The following CROCC variants were observed in gnomAD, a reference collection of about 807,000 sequenced individuals.
The protein encoded by CROCC is ciliary rootlet coiled-coil, rootletin.
CROCC carries 180 observed loss-of-function variants against 245.2 expected under a neutral mutation model. The observed-to-expected ratio is 0.73, with a 90% CI of 0.65 to 0.83. The LOEUF is 0.83. Among genes scored for constraint, CROCC ranks in the 40% least tolerant of loss-of-function variants. The pLI is 0.00. For missense variants in CROCC, 2,688 were observed against 2,779.4 expected (o/e 0.97, Z 0.74); for synonymous variants, 1,205 against 1,241.6 (o/e 0.97, Z 0.62).
In CROCC at chr1:16,954,798, C is replaced by G. The variant is rs573098773; in HGVS notation, c.3386C>G (p.Ala1129Gly). ...DLRAQREEAA[A>G]AHAQEVRRLQ... The stretch of plus-strand genomic sequence containing the variant: ...CGGGCCCAGCGGGAGGAGGCTGCTG[C>G]GGCCCACGCCCAGGAGGTGAGGAGG... The change falls in exon 23 of 37, where the codon GCG becomes GGG. Residue 1129 changes from alanine to glycine, a missense_variant. By Grantham distance (60) the Ala-to-Gly change is moderately conservative. This residue lies in a region of CROCC where 1,218 missense variants were observed against 1,286.3 expected (regional missense o/e 0.95). Transcript: ENST00000375541. The surrounding 1 kb of genome is among the most constrained non-coding windows in gnomAD (Gnocchi z 4.4). 6.4e-7 allele frequency: 1 copy of G among 1,552,582 alleles called. No individual in the cohort carries two copies. The highest frequency in any genetic ancestry group is 8.7e-7 in the Non-Finnish European group (1 of 1,148,284).
chr1:16,953,736 C>T, intron 21 of CROCC: 1 of 452,948 alleles, frequency 2.2e-6, no homozygotes, highest in Non-Finnish European at 3.9e-6. Context: ...GTTCCATATT[C>T]TCCCATGCCT....
chr1:16,933,988 C>T (rs1197478285), intron 8 of CROCC, among the ~76,000 whole-genome samples: 2 of 152,236 alleles, frequency 1.3e-5, no homozygotes, highest in African/African-American at 4.8e-5. Context: ...TTTCTTTATC[C>T]CATGTATTTC....
chr1:16,938,369 A>G lies in CROCC; in HGVS notation c.1291-31A>G, dbSNP rs754228809. ...AGGTTTCAGATAAGACAGAACCCCA[A>G]CCACCCTTTGTCTCCCTAACCGCAC... is the stretch of plus-strand genomic sequence containing the variant. On this transcript the variant is annotated intron_variant, in intron 10 of 36. Coordinates refer to ENST00000375541, the MANE Select transcript of CROCC (RefSeq NM_014675.5). 6 of 1,541,182 alleles carry G rather than the reference A, an allele frequency of 3.9e-6. No individual in the cohort carries two copies. The East Asian group carries it at 7.3e-5, about 19-fold the overall frequency.
At position 16,946,872 on chromosome 1, in the gene CROCC, G is replaced by T; in HGVS notation, c.2395G>T (p.Val799Leu). 6 of 1,559,630 alleles carry T rather than the reference G, an allele frequency of 3.8e-6. No individual in the cohort carries two copies. The highest frequency in any genetic ancestry group is 5.2e-6 in the Non-Finnish European group (6 of 1,151,908). ...AGAGGAGCTGCGGTTGGAGCAGGAGGTGGCGCGGCAGGGCCTGGAGGGCTC... is the reference window on the plus strand; with the variant it reads ...AGAGGAGCTGCGGTTGGAGCAGGAGTTGGCGCGGCAGGGCCTGGAGGGCTC... ...RLEELRLEQE[V>L]ARQGLEGSLR... is the part of the protein sequence containing the mutation. Residue 799 changes from valine (V) to leucine (L), a missense_variant, in exon 17 of 37, where the codon GTG becomes TTG. This residue lies in a region of CROCC where 295 missense variants were observed against 241.7 expected (regional missense o/e 1.22). Coordinates refer to ENST00000375541, the MANE Select transcript of CROCC (RefSeq NM_014675.5).
At chr1:16,945,056 A>C (rs2076015622) in intron 14 of CROCC, among the ~76,000 whole-genome samples, 1 of 152,278 alleles carries the variant, frequency 6.6e-6, no homozygotes. Context: ...AACGTGGAGA[A>C]ATCCCGTCTC....
chr1:16,945,236 A>G (rs1267161640), intron 14 of CROCC, among the ~76,000 whole-genome samples: 2 of 152,408 alleles, frequency 1.3e-5, no homozygotes, highest in African/African-American at 4.8e-5. Flanking sequence ...GTGTCTCAAA[A>G]AAACAAACAA....
intron 8 of CROCC, 33 bp from the exon 9 acceptor site, chr1:16,936,604 C>G (rs1270380471): frequency 1.3e-6 from 2 of 1,534,200 alleles, no homozygotes; most frequent in Admixed American, 4.1e-5. Flanking sequence ...GGAGCAAGCC[C>G]CATCCATCCC....
intron 10 of CROCC, among the ~76,000 whole-genome samples, 176 bp from the exon 11 acceptor site, chr1:16,938,224 G>A (rs1441670536): frequency 6.6e-6 from 1 of 152,282 alleles, no homozygotes; most frequent in East Asian, 1.9e-4. Flanking sequence ...GCTCTTCTCT[G>A]GGCCTGGTCT....
chr1:16,921,557 T>A (rs1304216469), upstream of CROCC, among the ~76,000 whole-genome samples: 2 of 152,274 alleles, frequency 1.3e-5, no homozygotes, highest in African/African-American at 4.8e-5. Flanking sequence ...GTGACTCCCG[T>A]TCTGGGCCAG....
Position 16,968,378 on chromosome 1 carries a change from C to T in CROCC, c.5036C>T (p.Ala1679Val). ...RLGLSDREAQ[A>V]QALQDRVDSL... ...GGCCTCAGTGACCGCGAGGCCCAAG[C>T]CCAGGCCCTCCAGGATCGGGTGGAT... Residue 1679 changes from alanine (A) to valine (V), a missense_variant, in exon 31 of 37, where the codon GCC (alanine) becomes GTC (valine). Around this residue, in one of 9 missense-constraint regions of CROCC, gnomAD observed 1,218 missense variants for 1,286.3 expected, o/e 0.95. Transcript: ENST00000375541. 6.6e-7 allele frequency: 1 copy of T among 1,518,198 alleles called. No individual in the cohort carries two copies. The highest frequency in any genetic ancestry group is 2.0e-4 in the Middle Eastern group (1 of 4,998). 94.0% of individuals were successfully genotyped at this position (1,518,198 alleles called of 1,614,324 possible). A position where few individuals can be genotyped will look rare whatever the true frequency, so the allele number is the denominator to read the frequency against.
intron 13 of CROCC, among the ~76,000 whole-genome samples, chr1:16,943,303 C>T (rs559392418): frequency 3.5e-4 from 53 of 152,120 alleles, no homozygotes; most frequent in Non-Finnish European, 4.9e-4. Flanking sequence ...TTTGGGAGGC[C>T]GAGGCGGGCA....
Position 16,948,410 on chromosome 1 carries a change from A to G in CROCC, c.2594A>G (p.Glu865Gly), listed in dbSNP as rs200814664. ...REAQRQVEALERAAREKEALA... is the reference protein window; with the variant it reads ...REAQRQVEALGRAAREKEALA... ...GCCCAGCGGCAAGTGGAGGCGCTGG[A>G]GCGAGCGGCCCGTGAGAAGGAGGCG... The change falls in exon 18 of 37, where the codon GAG becomes GGG. Residue 865 changes from glutamate to glycine, a missense_variant. By Grantham distance (98) the Glu-to-Gly change is moderately conservative (BLOSUM62 -2). This residue lies in a region of CROCC where 295 missense variants were observed against 241.7 expected (regional missense o/e 1.22). Transcript: ENST00000375541. The G allele has an allele frequency of 6.3e-6, 10 of 1,575,036 alleles. No homozygotes were observed. In the East Asian group the frequency reaches 1.6e-4, roughly 25 times the overall value.
chr1:16,969,824 C>G lies in CROCC; in HGVS notation c.5341C>G (p.Arg1781Gly), dbSNP rs2076483797. 1 of 1,613,274 alleles carries G rather than the reference C, an allele frequency of 6.2e-7. No individual in the cohort carries two copies. The highest frequency in any genetic ancestry group is 8.5e-7 in the Non-Finnish European group (1 of 1,179,744). Residue 1781 changes from arginine (R) to glycine (G), a missense_variant, in exon 33 of 37, where the codon CGG becomes GGG. This residue lies in a region of CROCC where 1,218 missense variants were observed against 1,286.3 expected (regional missense o/e 0.95). Coordinates refer to ENST00000375541, the MANE Select transcript of CROCC (RefSeq NM_014675.5). The stretch of plus-strand genomic sequence containing the variant: ...CGCCCGGCAGGCATTATCTGAGGCA[C>G]GGAAGCAGAGCAGCTCCCTGGGCGA... ...DAARQALSEA[R>G]KQSSSLGEQV...
chr1:16,970,179 C>T (rs1389281946), intron 33 of CROCC, 74 bp from the exon 34 acceptor site: 3 of 1,415,656 alleles, frequency 2.1e-6, no homozygotes, highest in Non-Finnish European at 2.8e-6. Context: ...GTGGGCCAGC[C>T]TCATTGTCCC....
chr1:16,931,437 G>T lies in CROCC; in HGVS notation c.956+40G>T, dbSNP rs550129170. 5 of 1,542,538 alleles carry T rather than the reference G, an allele frequency of 3.2e-6. No homozygotes were observed. In the South Asian group the frequency reaches 5.6e-5, roughly 17 times the overall value. On this transcript the variant is annotated intron_variant, in intron 8 of 36. Coordinates refer to ENST00000375541, the MANE Select transcript of CROCC (RefSeq NM_014675.5). ...GGGACGGGGCAGCAGCTGAGAGCCAGCCCTGCTCTTTATGTCCAACTGAAC... is the reference window on the plus strand; with the variant it reads ...GGGACGGGGCAGCAGCTGAGAGCCATCCCTGCTCTTTATGTCCAACTGAAC...
intron 33 of CROCC, 70 bp from the exon 34 acceptor site, chr1:16,970,183 T>C (rs754186007): frequency 8.3e-5 from 119 of 1,430,802 alleles, no homozygotes; most frequent in Admixed American, 2.3e-4. Flanking sequence ...GCCAGCCTCA[T>C]TGTCCCCAAG....
chr1:16,949,013 A>G, intron 19 of CROCC, 87 bp downstream of exon 19: 2 of 1,537,768 alleles, frequency 1.3e-6, no homozygotes, highest in East Asian at 2.3e-5. Flanking sequence ...AGAAGTTGGG[A>G]GCACTGGAGT....
rs1213422377 is a variant in CROCC, at chr1:16,956,044, A to G, written c.3752A>G (p.Glu1251Gly). The part of the protein sequence containing the change: ...EDKEQKLALL[E>G]EARTAVGKEA... ...AAGGAGCAGAAGCTGGCACTCCTAG[A>G]GGAGGCACGGACAGCTGTGGGCAAG... The change falls in exon 25 of 37, where the codon GAG becomes GGG. Residue 1251 changes from glutamate to glycine, a missense_variant. By Grantham distance (98) the Glu-to-Gly change is moderately conservative. Transcript: ENST00000375541. The G allele has an allele frequency of 6.4e-7, 1 of 1,551,162 alleles. No homozygotes were observed. Among genetic ancestry groups the G allele is most frequent in the Non-Finnish European group, 8.7e-7 (1 of 1,147,022 alleles).
Position 16,972,488 on chromosome 1 carries a change from G to T in CROCC, c.*42G>T. On this transcript the variant is annotated 3_prime_UTR_variant, in exon 37 of 37. Coordinates refer to ENST00000375541, the MANE Select transcript of CROCC (RefSeq NM_014675.5). ...GGAGAACACCCCTGTGCCTGGGACA[G>T]GGGAGGACCCTTCTTTTGGACAGCC... is the stretch of plus-strand genomic sequence containing the variant. 6.8e-7 allele frequency: 1 copy of T among 1,467,182 alleles called. No homozygotes were observed. The highest frequency in any genetic ancestry group is 1.2e-5 in the South Asian group (1 of 81,306). The allele number at this position is 1,467,182 out of a possible 1,614,324, so 90.9% of individuals were successfully genotyped here. A position where few individuals can be genotyped will look rare whatever the true frequency, so the allele number is the denominator to read the frequency against.
Sources: allele counts gnomAD v4.1 joint callset (sites outside exome capture counted in the v4.1 genomes callset), GRCh38; gene constraint gnomAD v4.1.1; regional missense constraint gnomAD v4.1.1; non-coding constraint Gnocchi (gnomAD v3.1); transcripts MANE v1.5; gene names NCBI Gene and HGNC (gene_info 2026-07-23, HGNC 2026-07-21).